Variants in TEKT5 observed in about 807,000 individuals in gnomAD.
TEKT5 encodes the protein tektin 5, also known as tektin-5.
Under a neutral mutation model 48.7 loss-of-function variants are expected in TEKT5, and 52 were observed. That is an observed-to-expected ratio of 1.07 (90% CI 0.86 to 1.35). TEKT5 has a LOEUF of 1.35. TEKT5 is among the 40% of genes most tolerant of loss of function. The probability of loss-of-function intolerance (pLI) is 0.00; values close to 1 mark genes in which losing one functional copy is unlikely to be tolerated. For synonymous variants in TEKT5, 318 were observed against 267.6 expected (o/e 1.19, Z -1.84); for missense variants, 831 against 641.6 (o/e 1.30, Z -3.19).
intron 5 of TEKT5, among the ~76,000 whole-genome samples, chr16:10,655,921 C>T (rs1229622200): frequency 6.6e-6 from 1 of 152,196 alleles, no homozygotes; most frequent in Non-Finnish European, 1.5e-5. Context: ...CTTACTTAAA[C>T]TGGTGTTATT....
chr16:10,692,799 A>G (rs1899004167), intron 1 of TEKT5: 1 of 152,216 alleles, frequency 6.6e-6, no homozygotes, highest in Non-Finnish European at 1.5e-5. Flanking sequence ...CTTGCAGTAT[A>G]AAATGCAAAA....
chr16:10,628,338 G>C (rs1019226674), intron 6 of TEKT5, among the ~76,000 whole-genome samples: 1 of 152,224 alleles, frequency 6.6e-6, no homozygotes, highest in Non-Finnish European at 1.5e-5. Flanking sequence ...AATAAGACAG[G>C]ATGGTAAAAC....
chr16:10,686,374 T>C (rs1414308584), intron 3 of TEKT5, among the ~76,000 whole-genome samples: 1 of 151,920 alleles, frequency 6.6e-6, no homozygotes, highest in African/African-American at 2.4e-5. Flanking sequence ...GGAGAATCAC[T>C]TGAACCCAGG....
intron 5 of TEKT5, among the ~76,000 whole-genome samples, chr16:10,654,031 CACAT>C (rs1898216266): frequency 1.4e-5 from 2 of 146,220 alleles, no homozygotes; most frequent in Non-Finnish European, 3.0e-5. Context: ...TGTGTGTGTG[CACAT>C]GTGTGTGTGT....
chr16:10,663,849 A>G (rs370970427), intron 5 of TEKT5, among the ~76,000 whole-genome samples: 1 of 152,064 alleles, frequency 6.6e-6, no homozygotes, highest in African/African-American at 2.4e-5. Flanking sequence ...GGGAACCACT[A>G]CTCCAGGAGA....
intron 4 of TEKT5, among the ~76,000 whole-genome samples, chr16:10,677,219 A>C (rs536921747): frequency 2.1e-5 from 2 of 95,948 alleles, no homozygotes; most frequent in African/African-American, 1.5e-4. Context: ...AGGAGGATGA[A>C]AGAGACAAAT....
intron 4 of TEKT5, 95 bp from the exon 5 acceptor site, chr16:10,676,276 A>G: frequency 8.2e-7 from 1 of 1,214,988 alleles, no homozygotes; most frequent in Non-Finnish European, 1.2e-6. Context: ...GGTCGGGATT[A>G]TTCTCTGTCC....
Position 10,694,847 on chromosome 16 carries a change from G to T in TEKT5, c.27C>A (p.Thr9=). The part of the protein sequence containing the change: MEFLGTTQ[T]ASYCGPKKCC... ...ATTTCTTGGGACCACAGTAACTGGC[G>T]GTCTGAGTAGTCCCAAGAAACTCCA... The change falls in exon 1 of 7, where the codon ACC becomes ACA. Residue 9 remains threonine, a synonymous_variant. Coordinates refer to ENST00000283025, the MANE Select transcript of TEKT5 (RefSeq NM_144674.2). The T allele has an allele frequency of 6.3e-7, 1 of 1,583,694 alleles. No homozygotes were observed. Among genetic ancestry groups the T allele is most frequent in the Non-Finnish European group, 8.6e-7 (1 of 1,166,874 alleles).
intron 5 of TEKT5, among the ~76,000 whole-genome samples, chr16:10,638,263 A>G (rs1353744057): frequency 6.6e-6 from 1 of 152,090 alleles, no homozygotes; most frequent in Non-Finnish European, 1.5e-5. Context: ...AACCACAAAC[A>G]CCCGGAACTG....
chr16:10,633,233 C>A (rs574568820), intron 6 of TEKT5, among the ~76,000 whole-genome samples: 1 of 152,082 alleles, frequency 6.6e-6, no homozygotes. Context: ...TGGTGGCAGG[C>A]GAGTGTAATC....
At chr16:10,666,530 C>T (rs1190148140) in intron 5 of TEKT5, among the ~76,000 whole-genome samples, 1 of 152,238 alleles carries the variant, frequency 6.6e-6, no homozygotes, top group Non-Finnish European at 1.5e-5. Context: ...TGCCTCCAAA[C>T]ATTTCAAGTG....
At chr16:10,678,244 G>A (rs937698962) in intron 4 of TEKT5, among the ~76,000 whole-genome samples, 33 of 152,168 alleles carry the variant, frequency 2.2e-4, no homozygotes, top group Non-Finnish European at 4.0e-4. Context: ...GACTACAGGC[G>A]AGTGCCACCA....
At chr16:10,650,134 C>G (rs953629673) in intron 5 of TEKT5, among the ~76,000 whole-genome samples, 15 of 152,160 alleles carry the variant, frequency 9.9e-5, no homozygotes, top group African/African-American at 3.4e-4. Context: ...TGCAGTGGCG[C>G]AATCTCGGCT....
intron 5 of TEKT5, among the ~76,000 whole-genome samples, chr16:10,660,996 G>C (rs190014109): frequency 1.3e-5 from 2 of 152,194 alleles, no homozygotes; most frequent in Non-Finnish European, 2.9e-5. Context: ...CACCGCGCCC[G>C]GCTGTGTTTT....
intron 5 of TEKT5, among the ~76,000 whole-genome samples, chr16:10,672,864 T>G (rs1006703750): frequency 6.6e-6 from 1 of 152,032 alleles, no homozygotes. Context: ...TTTTGTTTTT[T>G]TTTTTTGAGA....
chr16:10,669,248 A>G (rs1457874298), intron 5 of TEKT5, among the ~76,000 whole-genome samples: 2 of 151,992 alleles, frequency 1.3e-5, no homozygotes, highest in Admixed American at 6.6e-5. Context: ...CCGGTGGATC[A>G]CCTGAAGACC....
At chr16:10,653,071 T>C (rs887296135) in intron 5 of TEKT5, among the ~76,000 whole-genome samples, 13 of 152,178 alleles carry the variant, frequency 8.5e-5, no homozygotes, top group African/African-American at 2.9e-4. Context: ...TCCCCAGGGA[T>C]GTTAACCTTC....
chr16:10,629,882 C>T (rs1336378211), intron 6 of TEKT5, among the ~76,000 whole-genome samples: 1 of 152,218 alleles, frequency 6.6e-6, no homozygotes, highest in Non-Finnish European at 1.5e-5. Context: ...CGTACTACTT[C>T]CTCACCCCTC....
chr16:10,671,393 A>G (rs1898546765), intron 5 of TEKT5, among the ~76,000 whole-genome samples: 1 of 152,260 alleles, frequency 6.6e-6, no homozygotes, highest in Non-Finnish European at 1.5e-5. Context: ...CCAAGTCTCC[A>G]TAAATGGATG....
Sources: allele counts gnomAD v4.1 joint callset (sites outside exome capture counted in the v4.1 genomes callset), GRCh38; gene constraint gnomAD v4.1.1; transcripts MANE v1.5; gene names NCBI Gene and HGNC (gene_info 2026-07-23, HGNC 2026-07-21).